The following TMEM132B variants were observed in gnomAD, a reference collection of about 807,000 sequenced individuals.
TMEM132B encodes transmembrane protein 132B.
A neutral mutation model predicts 90.8 loss-of-function variants in TMEM132B; 18 were observed. The observed-to-expected ratio is 0.20, with a 90% CI of 0.14 to 0.29. TMEM132B has a LOEUF of 0.29. TMEM132B is among the 10% of genes least tolerant of loss of function. TMEM132B has a pLI of 1.00. For missense variants in TMEM132B, 1,096 were observed against 1,326.8 expected (o/e 0.83, Z 2.70); for synonymous variants, 504 against 523.3 (o/e 0.96, Z 0.50).
Position 125,650,783 on chromosome 12 carries a change from G to T in TMEM132B, c.1744G>T (p.Val582Leu). Residue 582 changes from valine to leucine, a missense_variant, in exon 7 of 9, where the codon GTG (valine) becomes TTG (leucine). Transcript: ENST00000682704. ...CACAGTGCGTGTCCTCACCCAGTTT[G>T]TGGCCGAGTCACCTGACTTAGGGCA... ...HATVRVLTQF[V>L]AESPDLGQLT... 1.2e-6 allele frequency: 2 copies of T among 1,614,226 alleles called. No individual in the cohort carries two copies. The highest frequency in any genetic ancestry group is 2.2e-5 in the East Asian group (1 of 44,884).
At chr12:125,323,310 C>T (rs1304268623) in intron 1 of TMEM132B, among the ~76,000 whole-genome samples, 1 of 152,158 alleles carries the variant, frequency 6.6e-6, no homozygotes, top group African/African-American at 2.4e-5. Flanking sequence ...GTGGCAGGCG[C>T]CTGCAGTCTC....
At chr12:125,554,807 G>A (rs949244411) in intron 4 of TMEM132B, among the ~76,000 whole-genome samples, 16 of 152,142 alleles carry the variant, frequency 1.1e-4, no homozygotes. Context: ...TTTCTTCTAT[G>A]ACTACATTTA....
intron 3 of TMEM132B, among the ~76,000 whole-genome samples, chr12:125,430,725 A>G: frequency 6.6e-6 from 1 of 152,206 alleles, no homozygotes; most frequent in Admixed American, 6.5e-5. Context: ...GTTCTGGGAA[A>G]TCAGCTGGAA....
intron 1 of TMEM132B, among the ~76,000 whole-genome samples, chr12:125,334,752 G>A (rs531042066): frequency 3.9e-5 from 6 of 152,326 alleles, no homozygotes; most frequent in Admixed American, 2.6e-4. Context: ...GTGCAGCAAG[G>A]AGCAAACAGC....
chr12:125,272,020 G>A (rs941642334), intron 1 of TMEM132B, among the ~76,000 whole-genome samples: 1 of 152,240 alleles, frequency 6.6e-6, no homozygotes, highest in African/African-American at 2.4e-5. Context: ...GCTAGATACC[G>A]CGGCTTGCCA....
At chr12:125,304,833 C>A (rs912221507) in intron 1 of TMEM132B, among the ~76,000 whole-genome samples, 6 of 151,934 alleles carry the variant, frequency 3.9e-5, no homozygotes, top group African/African-American at 1.2e-4. Flanking sequence ...CATAGTGAGA[C>A]CCCATTTCTA....
Position 125,590,457 on chromosome 12 carries a change from C to G in TMEM132B, c.1437+6463C>G, listed in dbSNP as rs187268015. 6.2e-3 allele frequency among the ~76,000 whole-genome samples: 944 copies of G among 152,320 alleles called. 7 individuals are homozygous for G. Among genetic ancestry groups the G allele is most frequent in the African/African-American group, 0.022 (900 of 41,560 alleles). On this transcript the variant is annotated intron_variant, in intron 5 of 8. Coordinates refer to ENST00000682704, the MANE Select transcript of TMEM132B (RefSeq NM_001366854.1). Reference sequence around the variant, plus strand: ...AGATACTATGCACAAATGGCTGTTACACCTTTATCAGAACATTGTCAGTGA... The same window carrying G: ...AGATACTATGCACAAATGGCTGTTAGACCTTTATCAGAACATTGTCAGTGA...
intron 4 of TMEM132B, among the ~76,000 whole-genome samples, chr12:125,580,301 T>C (rs1043376460): frequency 7.9e-5 from 12 of 152,214 alleles, no homozygotes; most frequent in Admixed American, 3.9e-4. Flanking sequence ...TAAACTGTTA[T>C]CCACTGCTTC....
chr12:125,241,804 A>T (rs892142230), intron 1 of TMEM132B, among the ~76,000 whole-genome samples: 2 of 152,194 alleles, frequency 1.3e-5, no homozygotes, highest in African/African-American at 4.8e-5. Flanking sequence ...TCTCCTTGCT[A>T]TAGATGTGTA....
At chr12:125,193,116 A>G (rs1192838218) in intron 1 of TMEM132B, among the ~76,000 whole-genome samples, 1 of 152,168 alleles carries the variant, frequency 6.6e-6, no homozygotes, top group Non-Finnish European at 1.5e-5. Flanking sequence ...GACACATGCA[A>G]CCATCACAGC....
intron 5 of TMEM132B, among the ~76,000 whole-genome samples, chr12:125,599,060 G>A (rs1361970170): frequency 6.6e-6 from 1 of 152,182 alleles, no homozygotes; most frequent in African/African-American, 2.4e-5. Flanking sequence ...TAGTTTGGCT[G>A]TGTCCCCACC....
At chr12:125,550,413 T>G (rs1294723214) in intron 4 of TMEM132B, among the ~76,000 whole-genome samples, 2 of 152,216 alleles carry the variant, frequency 1.3e-5, no homozygotes, top group Non-Finnish European at 2.9e-5. Flanking sequence ...TAATTTTTAT[T>G]TTGAAAATTT....
At chr12:125,499,217 G>T (rs1481945651) in intron 3 of TMEM132B, among the ~76,000 whole-genome samples, 1 of 152,146 alleles carries the variant, frequency 6.6e-6, no homozygotes, top group Non-Finnish European at 1.5e-5. Context: ...CTAGCTAATT[G>T]ACAGGCCCTA....
intron 1 of TMEM132B, among the ~76,000 whole-genome samples, chr12:125,201,354 G>A (rs550563202): frequency 6.6e-6 from 1 of 152,328 alleles, no homozygotes; most frequent in South Asian, 2.1e-4. Flanking sequence ...ACAGTATGAG[G>A]GAGAAAGGTG....
intron 4 of TMEM132B, among the ~76,000 whole-genome samples, chr12:125,552,841 A>G (rs1884269714): frequency 6.6e-6 from 1 of 152,256 alleles, no homozygotes; most frequent in Admixed American, 6.5e-5. Flanking sequence ...TGCATGGGGA[A>G]TAACAGACAC....
Position 125,653,993 on chromosome 12 carries a change from A to G in TMEM132B, c.2535A>G (p.Gln845=). ...EWFHRGTPVG[Q]EESTNKSTTP... ...TCCACCGTGGCACACCTGTTGGCCA[A>G]GAGGAAAGTACCAACAAAAGCACAA... Residue 845 remains glutamine, a synonymous_variant, in exon 9 of 9, where the codon CAA becomes CAG. Transcript: ENST00000682704. 1 of 1,614,222 alleles carries G rather than the reference A, an allele frequency of 6.2e-7. No individual in the cohort carries two copies. The highest frequency in any genetic ancestry group is 8.5e-7 in the Non-Finnish European group (1 of 1,180,046).
chr12:125,429,425 C>T (rs891831244), intron 3 of TMEM132B, among the ~76,000 whole-genome samples: 5 of 151,968 alleles, frequency 3.3e-5, no homozygotes, highest in Non-Finnish European at 5.9e-5. Context: ...AGGCTGGTTT[C>T]AAACCCCTGA....
intron 5 of TMEM132B, chr12:125,584,213 A>G: frequency 1.7e-6 from 1 of 594,418 alleles, no homozygotes; most frequent in East Asian, 3.0e-5. Context: ...GGAAAGGGGA[A>G]TCCCTGACCC....
chr12:125,255,138 T>C (rs1874405637), intron 1 of TMEM132B, among the ~76,000 whole-genome samples: 1 of 152,192 alleles, frequency 6.6e-6, no homozygotes, highest in Non-Finnish European at 1.5e-5. Context: ...ATCCACGTGA[T>C]GTGCCCTTGC....
Sources: gnomAD v4.1 joint callset for allele counts (sites outside exome capture counted in the v4.1 genomes callset) on GRCh38, gnomAD v4.1.1 for gene constraint, MANE v1.5 for transcripts, NCBI Gene and HGNC (gene_info 2026-07-23, HGNC 2026-07-21) for gene names.